The following PARP8 variants were observed in gnomAD, a reference collection of about 807,000 sequenced individuals.
PARP8 encodes poly(ADP-ribose) polymerase family member 8.
A neutral mutation model predicts 124.1 loss-of-function variants in PARP8; 51 were observed. That is an observed-to-expected ratio of 0.41 (90% CI 0.33 to 0.52). The LOEUF is 0.52. Among genes scored for constraint, PARP8 ranks in the 20% least tolerant of loss-of-function variants. PARP8 has a pLI of 0.21. For synonymous variants in PARP8, 391 were observed against 361.5 expected, an observed-to-expected ratio of 1.08 and a Z score of -0.93; for missense variants, 860 against 1,018.9, an observed-to-expected ratio of 0.84 and a Z score of 2.12.
chr5:50,696,874 C>CTCT (rs1753086280), intron 2 of PARP8, among the ~76,000 whole-genome samples: 1 of 152,086 alleles, frequency 6.6e-6, no homozygotes, highest in Non-Finnish European at 1.5e-5. Context: ...CTTAACCTTC[C>CTCT]TCTGTAACAT....
At chr5:50,831,773 G>T (rs1011352532) in intron 22 of PARP8, among the ~76,000 whole-genome samples, 17 of 152,098 alleles carry the variant, frequency 1.1e-4, no homozygotes, top group Admixed American at 9.2e-4. Context: ...CCATGTGAAT[G>T]GATGTAAAAA....
chr5:50,669,667 C>G (rs1055632535), intron 2 of PARP8: 1 of 152,116 alleles, frequency 6.6e-6, no homozygotes, highest in Admixed American at 6.5e-5. Context: ...GTTAACATAG[C>G]TAGAGGTGGA....
chr5:50,732,131 TATC>T (rs1757030838), intron 2 of PARP8, among the ~76,000 whole-genome samples: 1 of 152,216 alleles, frequency 6.6e-6, no homozygotes, highest in Non-Finnish European at 1.5e-5. Context: ...TGACAATCTT[TATC>T]ATCATAAATT....
chr5:50,733,916 T>C (rs756292506), intron 2 of PARP8, among the ~76,000 whole-genome samples: 1 of 152,146 alleles, frequency 6.6e-6, no homozygotes, highest in Non-Finnish European at 1.5e-5. Context: ...ACTGCACACT[T>C]CCCTCCAAAA....
chr5:50,756,088 CG>C, intron 3 of PARP8, among the ~76,000 whole-genome samples: 1 of 152,198 alleles, frequency 6.6e-6, no homozygotes. Flanking sequence ...TGGGCTGAGA[CG>C]ATGGGGTTTT....
At chr5:50,813,285 G>T (rs1221616107) in intron 14 of PARP8, among the ~76,000 whole-genome samples, 7 of 152,130 alleles carry the variant, frequency 4.6e-5, no homozygotes, top group Non-Finnish European at 8.8e-5. Context: ...GTGGTTTGTA[G>T]TTCTCCTTGA....
At chr5:50,833,277 G>C (rs146201018) in intron 23 of PARP8, 212 of 300,852 alleles carry the variant, frequency 7.0e-4, no homozygotes, top group Admixed American at 1.2e-3. Context: ...TGTTAAATGG[G>C]ATGGTCAGGA....
intron 2 of PARP8, among the ~76,000 whole-genome samples, chr5:50,686,584 C>G (rs1751889380): frequency 6.6e-6 from 1 of 152,242 alleles, no homozygotes; most frequent in Non-Finnish European, 1.5e-5. Flanking sequence ...CCACATTTCC[C>G]TTCCACACTG....
upstream of PARP8, chr5:50,666,584 T>G (rs1226375035): frequency 1.3e-5 from 2 of 148,374 alleles, no homozygotes; most frequent in African/African-American, 4.9e-5. Context: ...CGGGCGGCGC[T>G]GCAGCAGCCT....
intron 25 of PARP8, among the ~76,000 whole-genome samples, chr5:50,835,414 A>G (rs1191424295): frequency 2.6e-5 from 4 of 152,082 alleles, no homozygotes; most frequent in Non-Finnish European, 5.9e-5. Flanking sequence ...GCGGTGGTGC[A>G]TGCCTGTAGT....
intron 7 of PARP8, among the ~76,000 whole-genome samples, chr5:50,777,207 G>A (rs910521400): frequency 6.6e-6 from 1 of 152,184 alleles, no homozygotes; most frequent in Non-Finnish European, 1.5e-5. Flanking sequence ...GATGGCAGTA[G>A]TACCTTAGGT....
chr5:50,835,050 C>A, intron 25 of PARP8, 35 bp downstream of exon 25: 2 of 1,572,508 alleles, frequency 1.3e-6, no homozygotes, highest in Non-Finnish European at 1.7e-6. Context: ...ATATTACTGT[C>A]TTTGCCACAA....
At chr5:50,786,376 T>G (rs1338410959) in intron 9 of PARP8, among the ~76,000 whole-genome samples, 2 of 151,944 alleles carry the variant, frequency 1.3e-5, no homozygotes, top group African/African-American at 2.4e-5. Flanking sequence ...TTTTTTCTTT[T>G]TTTTTTCAGA....
intron 7 of PARP8, among the ~76,000 whole-genome samples, chr5:50,773,411 C>T (rs1256988786): frequency 6.6e-6 from 1 of 152,140 alleles, no homozygotes; most frequent in Non-Finnish European, 1.5e-5. Context: ...TTTCCCAGCA[C>T]CATTTATTGA....
At chr5:50,782,056 G>A (rs1214922941) in intron 9 of PARP8, among the ~76,000 whole-genome samples, 1 of 152,176 alleles carries the variant, frequency 6.6e-6, no homozygotes, top group Non-Finnish European at 1.5e-5. Flanking sequence ...ATCTGCTGAG[G>A]GAGGAAGCCC....
intron 14 of PARP8, among the ~76,000 whole-genome samples, chr5:50,814,087 T>C (rs2149687336): frequency 6.6e-6 from 1 of 152,272 alleles, no homozygotes; most frequent in South Asian, 2.1e-4. Flanking sequence ...ATCTAAGGTT[T>C]ATCTTCTCCT....
At chr5:50,837,802 A>T (rs566358919) in intron 25 of PARP8, among the ~76,000 whole-genome samples, 37 of 152,204 alleles carry the variant, frequency 2.4e-4, no homozygotes, top group African/African-American at 8.4e-4. Context: ...AATTAAAAAA[A>T]AAAGAAGAGA....
intron 9 of PARP8, among the ~76,000 whole-genome samples, chr5:50,783,756 C>G (rs193201154): frequency 7.7e-4 from 118 of 152,268 alleles, no homozygotes; most frequent in African/African-American, 2.8e-3. Flanking sequence ...ACATACTCAT[C>G]TTCATCATTT....
At chr5:50,706,486 T>C (rs1314287930) in intron 2 of PARP8, among the ~76,000 whole-genome samples, 1 of 152,138 alleles carries the variant, frequency 6.6e-6, no homozygotes, top group Non-Finnish European at 1.5e-5. Flanking sequence ...GGATTGTTAA[T>C]ATCAGAAACA....
Sources: allele counts gnomAD v4.1 joint callset (sites outside exome capture counted in the v4.1 genomes callset), GRCh38; gene constraint gnomAD v4.1.1; transcripts MANE v1.5; gene names NCBI Gene and HGNC (gene_info 2026-07-23, HGNC 2026-07-21).